The following DNMT3A variants were observed in gnomAD, a reference collection of about 807,000 sequenced individuals.
DNMT3A encodes DNA (cytosine-5)-methyltransferase 3A.
A neutral mutation model predicts 117.6 loss-of-function variants in DNMT3A; 267 were observed. The observed-to-expected ratio is 2.27, with a 90% CI of 2.05 to 2.51. The LOEUF (loss-of-function observed/expected upper bound fraction) is 2.51, where lower values mean the gene tolerates loss of function less well. Among genes scored for constraint, DNMT3A ranks in the 30% most tolerant of loss-of-function variants. The pLI is 0.00. For synonymous variants in DNMT3A, 432 were observed against 474.8 expected (o/e 0.91, Z 1.17); for missense variants, 1,029 against 1,260.2 (o/e 0.82, Z 2.78).
intron 1 of DNMT3A, chr2:25,328,579 C>A (rs2034879517): frequency 6.4e-6 from 3 of 467,832 alleles, no homozygotes; most frequent in Admixed American, 2.4e-5. Context: ...ATCTTGCTGC[C>A]CGTCCCCCCC....
rs2149298212 is a variant in DNMT3A, at chr2:25,246,015, C to T, written c.1474+5G>A. On this transcript the variant is annotated splice_donor_5th_base_variant and intron_variant, in intron 12 of 22. Coordinates refer to ENST00000321117, the MANE Select transcript of DNMT3A (RefSeq NM_022552.5). ...AGTGCCAGAGTTCCCAGGCAACAAA[C>T]TTACCCTCAATGTTCCGGCACTTCT... 2 of 1,613,940 alleles carry T rather than the reference C, an allele frequency of 1.2e-6. No individual in the cohort carries two copies. The highest frequency in any genetic ancestry group is 1.1e-5 in the South Asian group (1 of 91,068).
At chr2:25,284,821 G>A (rs1472366270) in intron 3 of DNMT3A, among the ~76,000 whole-genome samples, 1 of 151,852 alleles carries the variant, frequency 6.6e-6, no homozygotes, top group Admixed American at 6.6e-5. Context: ...TGACAATCAT[G>A]TGTAAGTTAC....
chr2:25,268,283 G>C (rs1293932944), intron 6 of DNMT3A, among the ~76,000 whole-genome samples: 1 of 152,208 alleles, frequency 6.6e-6, no homozygotes, highest in Non-Finnish European at 1.5e-5. Flanking sequence ...AATAGGACAT[G>C]GTACCCGCTG....
intron 6 of DNMT3A, among the ~76,000 whole-genome samples, chr2:25,259,411 G>A (rs145323438): frequency 5.3e-4 from 81 of 152,322 alleles, no homozygotes; most frequent in Admixed American, 3.0e-3. Context: ...GCAGGGCGCT[G>A]AGCAGGGTGT....
At chr2:25,268,713 G>A (rs934812680) in intron 6 of DNMT3A, among the ~76,000 whole-genome samples, 1 of 152,110 alleles carries the variant, frequency 6.6e-6, no homozygotes, top group Admixed American at 6.5e-5. Flanking sequence ...GGAGACTCTG[G>A]CCCCCCTTTA....
intron 2 of DNMT3A, among the ~76,000 whole-genome samples, chr2:25,301,182 T>C (rs764914313): frequency 1.3e-5 from 2 of 151,326 alleles, no homozygotes; most frequent in Non-Finnish European, 2.9e-5. Context: ...GGCAGGAGAA[T>C]TGCTTGAACC....
intron 4 of DNMT3A, among the ~76,000 whole-genome samples, chr2:25,278,075 G>C (rs1043754438): frequency 3.4e-5 from 5 of 147,332 alleles, no homozygotes; most frequent in African/African-American, 1.0e-4. Flanking sequence ...GGGCCGCCTC[G>C]GAATGCGGCA....
At chr2:25,251,220 G>C (rs1399247208) in intron 6 of DNMT3A, among the ~76,000 whole-genome samples, 6 of 151,470 alleles carry the variant, frequency 4.0e-5, no homozygotes, top group African/African-American at 1.5e-4. Flanking sequence ...AGCTGGGTGG[G>C]GGAGGGGCCT....
chr2:25,282,726 AAGATAC>A lies in DNMT3A; in HGVS notation c.178-21_178-16del. 1 of 1,515,976 alleles carries A rather than the reference AAGATAC, an allele frequency of 6.6e-7. No individual in the cohort carries two copies. Among genetic ancestry groups the A allele is most frequent in the East Asian group, 2.3e-5 (1 of 43,550 alleles). 93.9% of individuals were successfully genotyped at this position (1,515,976 alleles called of 1,614,324 possible). On this transcript the variant is annotated splice_polypyrimidine_tract_variant and intron_variant, in intron 3 of 22. Coordinates refer to ENST00000321117, the MANE Select transcript of DNMT3A (RefSeq NM_022552.5). This position sits in a 1 kb window ranked among gnomAD's most constrained non-coding sequence, Gnocchi z 5.2. The stretch of plus-strand genomic sequence containing the variant: ...CCGCTTTCCACCTGCAAATGTAAGA[AAGATAC>A]ACAAGAGGAGGGTTAGATCAGTGGG...
intron 6 of DNMT3A, chr2:25,251,913 A>AC: frequency 2.1e-6 from 1 of 484,110 alleles, no homozygotes. Flanking sequence ...TGCAGTTACC[A>AC]CTGCCCGGGC....
chr2:25,280,442 G>A lies in DNMT3A; in HGVS notation c.448+1999C>T, dbSNP rs562980717. 2.3e-4 allele frequency among the ~76,000 whole-genome samples: 35 copies of A among 151,836 alleles called. No individual in the cohort carries two copies. In the South Asian group the frequency reaches 6.7e-3, roughly 29 times the overall value. ...CTTGTGACATCTATCAGTTCCCTGG[G>A]TGCCCTGCTCCCTCCCACCTGGGAG... On this transcript the variant is annotated intron_variant, in intron 4 of 22. Coordinates refer to ENST00000321117, the MANE Select transcript of DNMT3A (RefSeq NM_022552.5).
chr2:25,289,106 C>T (rs944240194), intron 3 of DNMT3A, among the ~76,000 whole-genome samples: 6 of 143,842 alleles, frequency 4.2e-5, no homozygotes, highest in Non-Finnish European at 3.1e-5. Flanking sequence ...CCTTATTTAA[C>T]TTTTTTTTTT....
chr2:25,264,170 C>T lies in DNMT3A; in HGVS notation c.639+10771G>A, dbSNP rs1187399732. On this transcript the variant is annotated intron_variant, in intron 6 of 22. Coordinates refer to ENST00000321117, the MANE Select transcript of DNMT3A (RefSeq NM_022552.5). ...TTTTTTTTTTTTTGAGACAAGGTCTCGCTCTGTCGCCCAGGCTGGAGTGCA... is the reference window on the plus strand; with the variant it reads ...TTTTTTTTTTTTTGAGACAAGGTCTTGCTCTGTCGCCCAGGCTGGAGTGCA... Among the ~76,000 whole-genome samples the T allele has an allele frequency of 1.7e-4, 12 of 69,444 alleles. No individual in the cohort carries two copies. The East Asian group carries it at 2.5e-3, about 15-fold the overall frequency. 45.6% of individuals were successfully genotyped at this position (69,444 alleles called of 152,430 possible).
chr2:25,284,679 T>TA, intron 3 of DNMT3A, among the ~76,000 whole-genome samples: 1 of 53,856 alleles, frequency 1.9e-5, no homozygotes, highest in Middle Eastern at 0.012. Context: ...AAAAAAAGAC[T>TA]ATACAAAAAA....
At chr2:25,239,384 C>T (rs1673724275) in intron 19 of DNMT3A, 169 bp from the exon 20 acceptor site, 1 of 676,446 alleles carries the variant, frequency 1.5e-6, no homozygotes, top group Admixed American at 2.1e-5. Context: ...CACCTAGCCA[C>T]ATTCCACAAG....
At chr2:25,261,866 T>G (rs1391262140) in intron 6 of DNMT3A, among the ~76,000 whole-genome samples, 3 of 151,890 alleles carry the variant, frequency 2.0e-5, no homozygotes, top group Non-Finnish European at 4.4e-5. Context: ...GTCCCCTCCA[T>G]GAGGACCACC....
At chr2:25,341,438 G>A (rs1349269990) in intron 1 of DNMT3A, among the ~76,000 whole-genome samples, 1 of 145,482 alleles carries the variant, frequency 6.9e-6, no homozygotes, top group Non-Finnish European at 1.5e-5. Context: ...CCCGGCCGGG[G>A]CCCCTGCGGC....
chr2:25,261,145 T>C (rs1254262105), intron 6 of DNMT3A, among the ~76,000 whole-genome samples: 1 of 150,976 alleles, frequency 6.6e-6, no homozygotes, highest in Admixed American at 6.6e-5. Context: ...AATACAAAAA[T>C]TAGCCAGAGG....
At position 25,244,245 on chromosome 2, in the gene DNMT3A, C is replaced by A; in HGVS notation, c.1761G>T (p.Gly587=). 6.2e-7 allele frequency: 1 copy of A among 1,614,002 alleles called. No homozygotes were observed. Among genetic ancestry groups the A allele is most frequent in the Non-Finnish European group, 8.5e-7 (1 of 1,180,018 alleles). The part of the protein sequence containing the change: ...KEDPWNCYMC[G]HKGTYGLLRR... ...GCAGCAGCCCGTAGGTACCCTTGTG[C>A]CCGCACATGTAGCAGTTCCAGGGGT... Residue 587 remains glycine (G), a synonymous_variant, in exon 15 of 23, where the codon GGG becomes GGT. Coordinates refer to ENST00000321117, the MANE Select transcript of DNMT3A (RefSeq NM_022552.5).
Sources: gnomAD v4.1 joint callset for allele counts (sites outside exome capture counted in the v4.1 genomes callset) on GRCh38, gnomAD v4.1.1 for gene constraint, Gnocchi (gnomAD v3.1) non-coding constraint, MANE v1.5 for transcripts, NCBI Gene and HGNC (gene_info 2026-07-23, HGNC 2026-07-21) for gene names.